Variants in CHCHD6 observed in about 807,000 individuals in gnomAD.
CHCHD6 encodes the protein MICOS complex subunit MIC25.
A neutral mutation model predicts 32.3 loss-of-function variants in CHCHD6; 28 were observed. The ratio of observed to expected loss-of-function variants is 0.87; its 90% CI spans 0.64 to 1.19. The LOEUF is 1.19. Ranked by LOEUF, CHCHD6 falls within the 50% of genes most tolerant of loss-of-function variation. CHCHD6 has a pLI of 0.00. For missense variants in CHCHD6, 333 were observed against 307.0 expected (o/e 1.08, Z -0.63); for synonymous variants, 122 against 117.5 (o/e 1.04, Z -0.25).
At chr3:126,760,267 C>T (rs541756877) in intron 4 of CHCHD6, among the ~76,000 whole-genome samples, 1 of 152,146 alleles carries the variant, frequency 6.6e-6, no homozygotes, top group Non-Finnish European at 1.5e-5. Context: ...CTGTTTCCAG[C>T]CTTTCGTCCA....
At chr3:126,757,337 T>G (rs1434714034) in intron 4 of CHCHD6, among the ~76,000 whole-genome samples, 1 of 152,174 alleles carries the variant, frequency 6.6e-6, no homozygotes, top group African/African-American at 2.4e-5. Flanking sequence ...TTGGGGACTT[T>G]GTCACCCTAT....
chr3:126,906,154 A>G (rs537826573), intron 5 of CHCHD6, among the ~76,000 whole-genome samples: 10 of 152,162 alleles, frequency 6.6e-5, no homozygotes, highest in African/African-American at 2.4e-4. Context: ...TGTCTCCTCT[A>G]TGTTTCAAAC....
intron 5 of CHCHD6, among the ~76,000 whole-genome samples, chr3:126,875,133 C>T (rs1357977197): frequency 6.6e-6 from 1 of 152,242 alleles, no homozygotes; most frequent in Non-Finnish European, 1.5e-5. Flanking sequence ...GCTGCACCAT[C>T]GTGAGACTGG....
chr3:126,901,167 G>A (rs1270312535), intron 5 of CHCHD6, among the ~76,000 whole-genome samples: 1 of 152,194 alleles, frequency 6.6e-6, no homozygotes, highest in Non-Finnish European at 1.5e-5. Flanking sequence ...GCTTCAAGAA[G>A]GAAGAGCCTA....
intron 5 of CHCHD6, among the ~76,000 whole-genome samples, chr3:126,906,889 G>T (rs1031054026): frequency 6.6e-6 from 1 of 152,186 alleles, no homozygotes; most frequent in African/African-American, 2.4e-5. Flanking sequence ...TCAGGGAAGG[G>T]GGAGTCATCA....
At chr3:126,767,059 C>T in intron 4 of CHCHD6, 1 of 986,818 alleles carries the variant, frequency 1.0e-6, no homozygotes, top group South Asian at 1.4e-5. Context: ...AATGGGGAAC[C>T]AGTCTGTAGT....
intron 4 of CHCHD6, among the ~76,000 whole-genome samples, chr3:126,821,663 C>G (rs996376313): frequency 6.6e-6 from 1 of 150,604 alleles, no homozygotes; most frequent in Admixed American, 6.6e-5. Context: ...TATGACGGTT[C>G]CAGTTTCCCA....
chr3:126,804,725 A>T (rs1939269793), intron 4 of CHCHD6, among the ~76,000 whole-genome samples: 1 of 152,074 alleles, frequency 6.6e-6, no homozygotes, highest in African/African-American at 2.4e-5. Context: ...CTGATACCAA[A>T]GCCTGGCAGA....
intron 4 of CHCHD6, chr3:126,780,348 T>C (rs1207030231): frequency 6.8e-6 from 3 of 438,698 alleles, no homozygotes; most frequent in Admixed American, 2.5e-5. Context: ...AGATAATACA[T>C]TGACATGATT....
intron 4 of CHCHD6, among the ~76,000 whole-genome samples, chr3:126,845,235 C>G (rs1941253156): frequency 6.6e-6 from 1 of 152,048 alleles, no homozygotes. Context: ...TTCTTTGTTC[C>G]TCTTTGCTTC....
intron 7 of CHCHD6, among the ~76,000 whole-genome samples, chr3:126,958,523 T>G (rs1252032837): frequency 6.6e-6 from 1 of 152,180 alleles, no homozygotes; most frequent in Non-Finnish European, 1.5e-5. Context: ...CCCACTGAAC[T>G]GAGCGGGGTC....
chr3:126,840,896 T>G (rs1941046725), intron 4 of CHCHD6, among the ~76,000 whole-genome samples: 1 of 150,948 alleles, frequency 6.6e-6, no homozygotes, highest in Non-Finnish European at 1.5e-5. Context: ...TATTTTTAAT[T>G]TATTTTTTTT....
At chr3:126,865,969 A>T (rs960492917) in intron 5 of CHCHD6, among the ~76,000 whole-genome samples, 6 of 152,154 alleles carry the variant, frequency 3.9e-5, no homozygotes, top group African/African-American at 1.4e-4. Flanking sequence ...TTTGCTAAGT[A>T]CAGTGCCCAA....
chr3:126,955,380 A>AC (rs907748728), intron 6 of CHCHD6, among the ~76,000 whole-genome samples: 5 of 151,788 alleles, frequency 3.3e-5, no homozygotes, highest in African/African-American at 1.2e-4. Context: ...TGCAGATAAA[A>AC]CCCCCCCCAC....
chr3:126,945,550 G>A (rs116715355), intron 6 of CHCHD6, among the ~76,000 whole-genome samples: 1,604 of 146,708 alleles, frequency 0.011, 13 homozygotes, highest in Middle Eastern at 0.043. Context: ...GACTCGGGAC[G>A]GGGAGACTCA....
intron 1 of CHCHD6, among the ~76,000 whole-genome samples, chr3:126,720,677 G>A (rs1259724917): frequency 6.6e-6 from 1 of 152,216 alleles, no homozygotes; most frequent in Non-Finnish European, 1.5e-5. Flanking sequence ...GTTCCCTGAA[G>A]TGCTGGCTTC....
At position 126,901,752 on chromosome 3, in the gene CHCHD6, A is replaced by T. The variant is rs536220726; in HGVS notation, c.496-12928A>T. Reference sequence around the variant, plus strand: ...CATTTGAAATTATGCCATGTGAGGAAGGGTGGTGCTAATATGAGAAGACTC... The same window carrying T: ...CATTTGAAATTATGCCATGTGAGGATGGGTGGTGCTAATATGAGAAGACTC... On this transcript the variant is annotated intron_variant, in intron 5 of 7. Coordinates refer to ENST00000290913, the MANE Select transcript of CHCHD6 (RefSeq NM_032343.3). Among the ~76,000 whole-genome samples the T allele has an allele frequency of 2.0e-5, 3 of 152,364 alleles. No homozygotes were observed. In the South Asian group the frequency reaches 6.2e-4, roughly 32 times the overall value.
At chr3:126,750,885 A>T (rs760137833) in intron 4 of CHCHD6, among the ~76,000 whole-genome samples, 29 of 152,358 alleles carry the variant, frequency 1.9e-4, no homozygotes, top group African/African-American at 4.8e-4. Context: ...CCAGGAACTG[A>T]CATCATGGCT....
chr3:126,828,037 C>T (rs1003019350), intron 4 of CHCHD6, among the ~76,000 whole-genome samples: 8 of 152,140 alleles, frequency 5.3e-5, no homozygotes, highest in Non-Finnish European at 8.8e-5. Flanking sequence ...GAAGCCTTTC[C>T]TGGTCCCCTT....
Sources: allele counts gnomAD v4.1 joint callset (sites outside exome capture counted in the v4.1 genomes callset), GRCh38; gene constraint gnomAD v4.1.1; transcripts MANE v1.5; gene names NCBI Gene and HGNC (gene_info 2026-07-23, HGNC 2026-07-21).